The following CACNA1B variants were observed in gnomAD, a reference collection of about 807,000 sequenced individuals.
CACNA1B encodes the protein calcium voltage-gated channel subunit alpha1 B.
Under a neutral mutation model 247.2 loss-of-function variants are expected in CACNA1B, and 70 were observed. That is an observed-to-expected ratio of 0.28 (90% confidence interval 0.23 to 0.35). The LOEUF (loss-of-function observed/expected upper bound fraction) is 0.35, where lower values mean the gene tolerates loss of function less well. Among genes scored for constraint, CACNA1B ranks in the 10% least tolerant of loss-of-function variants. CACNA1B has a pLI of 1.00. For missense variants in CACNA1B, 2,367 were observed against 3,197.4 expected, an observed-to-expected ratio of 0.74 and a Z score of 6.26; for synonymous variants, 1,231 against 1,294.4, an observed-to-expected ratio of 0.95 and a Z score of 1.05.
At chr9:138,005,534 G>C (rs1029352951) in intron 15 of CACNA1B, among the ~76,000 whole-genome samples, 3 of 152,206 alleles carry the variant, frequency 2.0e-5, no homozygotes, top group Admixed American at 2.0e-4. Flanking sequence ...CGAGTTCCTA[G>C]TGTTTGATAG....
Position 138,046,827 on chromosome 9 carries a change from G to A in CACNA1B, c.3414-77G>A, listed in dbSNP as rs552885347. ...CAGCCCAGAGCCCTTTCTGCGGGAC[G>A]GGCTGAGCCTGCCCTGTGGCAAGGG... On this transcript the variant is annotated intron_variant, in intron 21 of 46. Coordinates refer to ENST00000371372, the MANE Select transcript of CACNA1B (RefSeq NM_000718.4). 176 of 1,436,484 alleles carry A rather than the reference G, an allele frequency of 1.2e-4. 4 individuals carry two copies. In the South Asian group the frequency reaches 1.6e-3, roughly 13 times the overall value. 89.0% of individuals were successfully genotyped at this position (1,436,484 alleles called of 1,614,324 possible). A position where few individuals can be genotyped will look rare whatever the true frequency, so the allele number is the denominator to read the frequency against.
intron 20 of CACNA1B, among the ~76,000 whole-genome samples, chr9:138,031,773 ATCT>A (rs1958990760): frequency 6.6e-6 from 1 of 152,000 alleles, no homozygotes; most frequent in South Asian, 2.1e-4. Flanking sequence ...GTACCTGGTA[ATCT>A]TCTTTGCTCT....
At chr9:137,892,384 T>G (rs560094279) in intron 3 of CACNA1B, 126 of 456,386 alleles carry the variant, frequency 2.8e-4, no homozygotes, top group Non-Finnish European at 4.7e-4. Flanking sequence ...GCAGGCGGGA[T>G]GCAGGGCCAG....
In CACNA1B at chr9:138,050,114, C is replaced by T. The variant is rs528914885; in HGVS notation, c.3710+799C>T. On this transcript the variant is annotated intron_variant, in intron 24 of 46. Coordinates refer to ENST00000371372, the MANE Select transcript of CACNA1B (RefSeq NM_000718.4). This position sits in a 1 kb window ranked among gnomAD's most constrained non-coding sequence, Gnocchi z 5.2. ...AATGCCTTCTCTCCCCCACACGCTGCCCCTGACATCACAGCATTCCAGCAG... is the reference window on the plus strand; with the variant it reads ...AATGCCTTCTCTCCCCCACACGCTGTCCCTGACATCACAGCATTCCAGCAG... 31 of 1,285,152 alleles carry T rather than the reference C, an allele frequency of 2.4e-5. No individual in the cohort carries two copies. The East Asian group carries it at 3.9e-4, about 16-fold the overall frequency. The allele number at this position is 1,285,152 out of a possible 1,614,324, so 79.6% of individuals were successfully genotyped here.
chr9:137,904,680 C>T (rs1411875335), intron 3 of CACNA1B, among the ~76,000 whole-genome samples: 1 of 152,062 alleles, frequency 6.6e-6, no homozygotes, highest in Non-Finnish European at 1.5e-5. Context: ...CCTCCCCCCT[C>T]CTCCTGCTGT....
chr9:138,023,915 C>G, intron 19 of CACNA1B, 104 bp downstream of exon 19: 1 of 633,032 alleles, frequency 1.6e-6, no homozygotes, highest in South Asian at 1.9e-5. Flanking sequence ...GGCTGCAGCC[C>G]CGGCCACGCT....
intron 3 of CACNA1B, among the ~76,000 whole-genome samples, chr9:137,901,676 T>C (rs1246661147): frequency 6.9e-6 from 1 of 144,980 alleles, no homozygotes; most frequent in Non-Finnish European, 1.5e-5. Context: ...ATCATTAGGG[T>C]TTTTTTGTGA....
At chr9:138,009,932 C>G in intron 16 of CACNA1B, 78 bp from the exon 17 acceptor site, 1 of 1,156,974 alleles carries the variant, frequency 8.6e-7, no homozygotes, top group Admixed American at 1.8e-5. Context: ...TGGTTGGGAT[C>G]TGGGGAGATG....
rs537118610 is a variant in CACNA1B at position 138,024,319 on chromosome 9, C to T, written c.3068+508C>T. Among the ~76,000 whole-genome samples, 4 of 152,284 alleles carry T rather than the reference C, an allele frequency of 2.6e-5. No homozygotes were observed. The South Asian group carries it at 8.3e-4, about 32-fold the overall frequency. Reference sequence around the variant, plus strand: ...AGCTTGCTCCCTGGGGCAGGACTCACCAACCCCGTGAGGGCCTGGGGTAAC... The same window carrying T: ...AGCTTGCTCCCTGGGGCAGGACTCATCAACCCCGTGAGGGCCTGGGGTAAC... On this transcript the variant is annotated intron_variant, in intron 19 of 46. Coordinates refer to ENST00000371372, the MANE Select transcript of CACNA1B (RefSeq NM_000718.4).
rs1376972955 is a variant in CACNA1B at position 138,112,451 on chromosome 9, G to T, written c.5482G>T (p.Val1828Leu). 6.2e-7 allele frequency: 1 copy of T among 1,613,870 alleles called. No homozygotes were observed. The highest frequency in any genetic ancestry group is 1.1e-5 in the South Asian group (1 of 91,082). Residue 1828 changes from valine to leucine, a missense_variant, in exon 40 of 47, where the codon GTG becomes TTG. Physicochemically the swap from Val to Leu is conservative, Grantham distance 32. Transcript: ENST00000371372. ...DAELRKEISV[V>L]WANLPQKTLD... ...GGAGTTGAGGAAGGAGATTTCCGTT[G>T]TGTGGGCCAATCTGCCCCAGAAGAC...
chr9:138,118,469 A>G (rs1472212423), intron 43 of CACNA1B, among the ~76,000 whole-genome samples, 183 bp from the exon 44 acceptor site: 112 of 22,376 alleles, frequency 5.0e-3, no homozygotes, highest in Middle Eastern at 0.028. Context: ...GGTGGGGGAT[A>G]TGTGAACAGG....
Position 138,059,883 on chromosome 9 carries a change from G to A in CACNA1B, c.4668+146G>A. ...GACATGTGGAGGCTTCGCTCCAGGGGTGGAGTTTAGGGATTGGGTGTTACC... is the reference window on the plus strand; with the variant it reads ...GACATGTGGAGGCTTCGCTCCAGGGATGGAGTTTAGGGATTGGGTGTTACC... On this transcript the variant is annotated intron_variant, in intron 31 of 46. Transcript: ENST00000371372. This position sits in a 1 kb window ranked among gnomAD's most constrained non-coding sequence, Gnocchi z 4.2. The A allele has an allele frequency of 3.2e-6, 2 of 621,112 alleles. No individual in the cohort carries two copies. The highest frequency in any genetic ancestry group is 2.7e-5 in the East Asian group (1 of 36,912). The allele number at this position is 621,112 out of a possible 1,614,324, so 38.5% of individuals were successfully genotyped here. A position where few individuals can be genotyped will look rare whatever the true frequency, so the allele number is the denominator to read the frequency against.
chr9:138,060,654 G>A (rs1250951869), intron 31 of CACNA1B, among the ~76,000 whole-genome samples: 2 of 152,246 alleles, frequency 1.3e-5, no homozygotes, highest in African/African-American at 2.4e-5. Flanking sequence ...AGTGTGCCAC[G>A]AGTGCTGCAC....
At position 138,115,389 on chromosome 9, in the gene CACNA1B, C is replaced by T. The variant is rs60055270; in HGVS notation, c.5650-163C>T. 0.036 allele frequency among the ~76,000 whole-genome samples: 5,476 copies of T among 152,246 alleles called. 238 individuals are homozygous for T. Among genetic ancestry groups the T allele is most frequent in the East Asian group, 0.16 (844 of 5,162 alleles). ...TTGGTCACATGCTCATATTTAGGGA[C>T]ATATCAGGGAAAGTAAGCGGCCCCT... On this transcript the variant is annotated intron_variant, in intron 41 of 46. Coordinates refer to ENST00000371372, the MANE Select transcript of CACNA1B (RefSeq NM_000718.4).
intron 3 of CACNA1B, 190 bp downstream of exon 3, chr9:137,883,073 G>A (rs2133222447): frequency 1.6e-6 from 1 of 643,952 alleles, no homozygotes; most frequent in Non-Finnish European, 2.7e-6. Flanking sequence ...TTCTCCCAGG[G>A]GTGCCAGTGC....
chr9:137,953,794 C>T (rs1957909926), intron 7 of CACNA1B, among the ~76,000 whole-genome samples: 2 of 152,032 alleles, frequency 1.3e-5, no homozygotes, highest in South Asian at 4.2e-4. Flanking sequence ...GAGCTGGAGT[C>T]AGAGGGTGTT....
chr9:137,983,996 A>ACCATATC, intron 12 of CACNA1B, 142 bp from the exon 13 acceptor site: 2 of 669,068 alleles, frequency 3.0e-6, no homozygotes, highest in South Asian at 3.5e-5. Flanking sequence ...GCCTTGTGTT[A>ACCATATC]CCATATCTGG....
chr9:138,084,543 G>C (rs1014383859), intron 36 of CACNA1B, among the ~76,000 whole-genome samples: 1 of 151,350 alleles, frequency 6.6e-6, no homozygotes, highest in African/African-American at 2.4e-5. Context: ...TGGAAACAGA[G>C]TAACTATGCC....
At chr9:137,994,361 A>G (rs1356007072) in intron 15 of CACNA1B, among the ~76,000 whole-genome samples, 1 of 152,252 alleles carries the variant, frequency 6.6e-6, no homozygotes, top group Admixed American at 6.5e-5. Context: ...ATCAGACAAG[A>G]GAAAGAAAGA....
Sources: gnomAD v4.1 joint callset for allele counts (sites outside exome capture counted in the v4.1 genomes callset) on GRCh38, gnomAD v4.1.1 for gene constraint, Gnocchi (gnomAD v3.1) non-coding constraint, MANE v1.5 for transcripts, NCBI Gene and HGNC (gene_info 2026-07-23, HGNC 2026-07-21) for gene names.